The following OSBP2 variants were observed in gnomAD, a reference collection of about 807,000 sequenced individuals.
The protein encoded by OSBP2 is oxysterol-binding protein 2.
A neutral mutation model predicts 96.0 loss-of-function variants in OSBP2; 66 were observed. The ratio of observed to expected loss-of-function variants is 0.69; its 90% CI spans 0.56 to 0.84. The LOEUF (loss-of-function observed/expected upper bound fraction) is 0.84. Among genes scored for constraint, OSBP2 ranks in the 40% least tolerant of loss-of-function variants. The pLI is 0.00. For missense variants in OSBP2, 1,038 were observed against 1,222.7 expected (o/e 0.85, Z 2.25); for synonymous variants, 525 against 520.9 (o/e 1.01, Z -0.11).
chr22:30,822,761 G>A, intron 2 of OSBP2: 1 of 1,440,948 alleles, frequency 6.9e-7, no homozygotes, highest in Non-Finnish European at 9.4e-7. Flanking sequence ...CCCCGCGCAT[G>A]CACGCCCGGT....
rs2036114536 is a variant in OSBP2, at chr22:30,907,028, G to C, written c.*689G>C. 1 of 152,604 alleles carries C rather than the reference G, an allele frequency of 6.6e-6. No individual in the cohort carries two copies. The highest frequency in any genetic ancestry group is 1.5e-5 in the Non-Finnish European group (1 of 68,110). 9.5% of individuals were successfully genotyped at this position (152,604 alleles called of 1,614,324 possible). ...GGAGCTCCCATCCACAGATGCAGGAGGGGGTACTGATGGTAACCCCCATGT... is the reference window on the plus strand; with the variant it reads ...GGAGCTCCCATCCACAGATGCAGGACGGGGTACTGATGGTAACCCCCATGT... On this transcript the variant is annotated 3_prime_UTR_variant, in exon 14 of 14. Transcript: ENST00000332585.
intron 1 of OSBP2, among the ~76,000 whole-genome samples, chr22:30,728,688 G>A (rs1030351842): frequency 6.6e-6 from 1 of 152,070 alleles, no homozygotes; most frequent in African/African-American, 2.4e-5. Context: ...TATAGAGACA[G>A]GTTTTGCTTT....
rs184557223 is a variant in OSBP2, at chr22:30,897,559, T to G, written c.2375+3558T>G. 4.8e-3 allele frequency among the ~76,000 whole-genome samples: 732 copies of G among 152,170 alleles called. 1 individual carries two copies. The highest frequency in any genetic ancestry group is 0.017 in the Middle Eastern group (5 of 294). ...AAATGACCAAAAAATCCCAAATATTTGGGAAAAAATTTTAAGTTGCTAAAT... is the reference window on the plus strand; with the variant it reads ...AAATGACCAAAAAATCCCAAATATTGGGGAAAAAATTTTAAGTTGCTAAAT... On this transcript the variant is annotated intron_variant, in intron 12 of 13. Coordinates refer to ENST00000332585, the MANE Select transcript of OSBP2 (RefSeq NM_030758.4).
chr22:30,798,209 G>A (rs1240697800), intron 2 of OSBP2, among the ~76,000 whole-genome samples: 2 of 152,124 alleles, frequency 1.3e-5, no homozygotes, highest in African/African-American at 2.4e-5. Flanking sequence ...TTTCATGTAC[G>A]TATTGGCCAT....
intron 8 of OSBP2, among the ~76,000 whole-genome samples, chr22:30,892,267 CGAG>C (rs2039967182): frequency 2.0e-5 from 3 of 152,128 alleles, no homozygotes; most frequent in South Asian, 2.1e-4. Flanking sequence ...GAGGTATAGG[CGAG>C]GAGGAGGCAG....
In OSBP2 at chr22:30,764,081, G is replaced by A. The variant is rs547574944; in HGVS notation, c.853+22712G>A. On this transcript the variant is annotated intron_variant, in intron 2 of 13. Coordinates refer to ENST00000332585, the MANE Select transcript of OSBP2 (RefSeq NM_030758.4). ...CAGGTTTGTAAGAAACCGATACAGA[G>A]CTGGCCACCTCCCTCTTGGGCCTTC... Among the ~76,000 whole-genome samples the A allele has an allele frequency of 1.9e-4, 29 of 152,342 alleles. No homozygotes were observed. In the South Asian group the frequency reaches 5.6e-3, roughly 29 times the overall value.
chr22:30,884,843 A>G (rs2039776687), intron 3 of OSBP2, among the ~76,000 whole-genome samples: 1 of 152,124 alleles, frequency 6.6e-6, no homozygotes, highest in Admixed American at 6.5e-5. Flanking sequence ...CTTGGCAGCA[A>G]ATGTCTGGGA....
intron 2 of OSBP2, among the ~76,000 whole-genome samples, chr22:30,846,377 C>T (rs1056196965): frequency 2.6e-5 from 4 of 152,134 alleles, no homozygotes; most frequent in Non-Finnish European, 5.9e-5. Flanking sequence ...TCTTGAACTC[C>T]TGACCTCAAG....
intron 2 of OSBP2, among the ~76,000 whole-genome samples, chr22:30,840,315 AAGAAAAAG>A (rs1313148060): frequency 1.3e-5 from 2 of 151,110 alleles, no homozygotes; most frequent in African/African-American, 4.9e-5. Context: ...TAAAAAAAAA[AAGAAAAAG>A]GAAAAAAAAA....
In OSBP2 at chr22:30,845,040, G is replaced by A. The variant is rs2147044184; in HGVS notation, c.854-25389G>A. Among the ~76,000 whole-genome samples, 3 of 152,352 alleles carry A rather than the reference G, an allele frequency of 2.0e-5. No individual in the cohort carries two copies. In the South Asian group the frequency reaches 6.2e-4, roughly 32 times the overall value. On this transcript the variant is annotated intron_variant, in intron 2 of 13. Coordinates refer to ENST00000332585, the MANE Select transcript of OSBP2 (RefSeq NM_030758.4). ...AACACATACAACATTTATTGATTAA[G>A]TCTGCCATCTTATATGGATGTGGTT...
intron 1 of OSBP2, among the ~76,000 whole-genome samples, chr22:30,719,974 T>A (rs534416682): frequency 6.6e-6 from 1 of 152,300 alleles, no homozygotes; most frequent in African/African-American, 2.4e-5. Flanking sequence ...ACCTCTCAGG[T>A]AACAGAGAGC....
rs136288 is a variant in OSBP2, at chr22:30,795,518, A to ATTTTTT, written c.853+54162_853+54167dup. On this transcript the variant is annotated intron_variant, in intron 2 of 13. Coordinates refer to ENST00000332585, the MANE Select transcript of OSBP2 (RefSeq NM_030758.4). ...TTCTGCCGTTAAACCTATCCAATGCATTTTTTTTTTTTTTTTTTGAGATGG... is the reference window on the plus strand; with the variant it reads ...TTCTGCCGTTAAACCTATCCAATGCATTTTTTTTTTTTTTTTTTTTTTTTGAGATGG... 9.9e-4 allele frequency among the ~76,000 whole-genome samples: 121 copies of ATTTTTT among 122,278 alleles called. 2 individuals carry two copies. Among genetic ancestry groups the ATTTTTT allele is most frequent in the African/African-American group, 3.1e-3 (98 of 32,044 alleles). The allele number at this position is 122,278 out of a possible 152,430, so 80.2% of individuals were successfully genotyped here.
intron 2 of OSBP2, among the ~76,000 whole-genome samples, chr22:30,844,187 A>G (rs1397248296): frequency 6.6e-6 from 1 of 152,142 alleles, no homozygotes; most frequent in African/African-American, 2.4e-5. Flanking sequence ...ATTTAGCATA[A>G]TTCTTAAGGG....
intron 1 of OSBP2, among the ~76,000 whole-genome samples, chr22:30,702,607 C>T (rs965654155): frequency 4.6e-5 from 7 of 152,026 alleles, no homozygotes; most frequent in African/African-American, 1.7e-4. Context: ...GAGTGAGACT[C>T]GGTCTCAAAA....
At chr22:30,872,852 C>T (rs1041204199) in intron 3 of OSBP2, among the ~76,000 whole-genome samples, 1 of 152,220 alleles carries the variant, frequency 6.6e-6, no homozygotes, top group East Asian at 1.9e-4. Context: ...TTGCGTGGCT[C>T]TCAGACACCA....
chr22:30,693,888 C>T (rs2088970243), upstream of OSBP2: 1 of 592,764 alleles, frequency 1.7e-6, no homozygotes, highest in Non-Finnish European at 2.9e-6. Context: ...TCGCTTGAAC[C>T]TGGGAAGCGG....
At chr22:30,786,627 AG>A (rs2090593868) in intron 2 of OSBP2, among the ~76,000 whole-genome samples, 1 of 150,106 alleles carries the variant, frequency 6.7e-6, no homozygotes, top group African/African-American at 2.5e-5. Flanking sequence ...TGAAGATAGG[AG>A]GAGTACAATT....
intron 2 of OSBP2, among the ~76,000 whole-genome samples, chr22:30,855,440 G>A (rs567479284): frequency 3.6e-4 from 55 of 152,348 alleles, no homozygotes; most frequent in Non-Finnish European, 7.2e-4. Context: ...CAGCACAGGC[G>A]TGTGGTTGCC....
intron 3 of OSBP2, among the ~76,000 whole-genome samples, chr22:30,882,826 G>C (rs1404072781): frequency 6.6e-6 from 1 of 152,192 alleles, no homozygotes; most frequent in Non-Finnish European, 1.5e-5. Context: ...TAAAGTATTA[G>C]AGTCCCTGTG....
Sources: allele counts gnomAD v4.1 joint callset (sites outside exome capture counted in the v4.1 genomes callset), GRCh38; gene constraint gnomAD v4.1.1; transcripts MANE v1.5; gene names NCBI Gene and HGNC (gene_info 2026-07-23, HGNC 2026-07-21).